SLC18B1: variants seen among roughly 807,000 people sequenced by gnomAD.
The protein encoded by SLC18B1 is MFS-type transporter SLC18B1.
In SLC18B1, 62 loss-of-function variants were observed where a neutral mutation model predicts 53.9. That is an observed-to-expected ratio of 1.15 (90% CI 0.94 to 1.42). SLC18B1 has a LOEUF of 1.42. Among genes scored for constraint, SLC18B1 ranks in the 40% most tolerant of loss-of-function variants. SLC18B1 has a pLI of 0.00. For missense variants in SLC18B1, 598 were observed against 547.3 expected, an observed-to-expected ratio of 1.09 and a Z score of -0.93; for synonymous variants, 217 against 200.9, an observed-to-expected ratio of 1.08 and a Z score of -0.68.
chr6:132,792,272 A>AAAGAAAGG (rs1781551299), intron 2 of SLC18B1, among the ~76,000 whole-genome samples: 1 of 52,658 alleles, frequency 1.9e-5, no homozygotes, highest in Non-Finnish European at 3.7e-5. Flanking sequence ...AGAAAGAAAG[A>AAAGAAAGG]AAGAAAGAAA....
intron 6 of SLC18B1, among the ~76,000 whole-genome samples, chr6:132,780,948 T>C (rs1290085747): frequency 6.6e-6 from 1 of 152,096 alleles, no homozygotes; most frequent in Non-Finnish European, 1.5e-5. Flanking sequence ...AACTGCAGGA[T>C]GTAGTTGGAC....
intron 7 of SLC18B1, among the ~76,000 whole-genome samples, chr6:132,778,964 G>C (rs1781161570): frequency 6.6e-6 from 1 of 152,084 alleles, no homozygotes; most frequent in Non-Finnish European, 1.5e-5. Flanking sequence ...AACAAATAGA[G>C]GAAAAGTGTC....
At chr6:132,777,617 G>A (rs1781131386) in intron 7 of SLC18B1, among the ~76,000 whole-genome samples, 1 of 152,196 alleles carries the variant, frequency 6.6e-6, no homozygotes, top group Non-Finnish European at 1.5e-5. Flanking sequence ...GGGAGGCTGA[G>A]GCAGGAGAAT....
chr6:132,770,281 T>C lies in SLC18B1; in HGVS notation c.1360A>G (p.Asn454Asp). 1 of 1,613,468 alleles carries C rather than the reference T, an allele frequency of 6.2e-7. No homozygotes were observed. The stretch of plus-strand genomic sequence containing the variant: ...CAGGATCCATCGGACTAGGTTTCAT[T>C]AGGCAAGAGAGTAGTTCGTTCCTCC... ...TEEERTTLLP[N>D]ET The change falls in exon 14 of 14, where the codon AAT becomes GAT. Residue 454 changes from asparagine (N) to aspartate (D), a missense_variant. By Grantham distance (23) the Asn-to-Asp change is conservative (BLOSUM62 1). Coordinates refer to ENST00000275227, the MANE Select transcript of SLC18B1 (RefSeq NM_052831.3).
At chr6:132,778,108 T>A (rs1436520797) in intron 7 of SLC18B1, among the ~76,000 whole-genome samples, 1 of 151,948 alleles carries the variant, frequency 6.6e-6, no homozygotes, top group South Asian at 2.1e-4. Context: ...GGACACAAGG[T>A]GCAGGGTGGG....
rs1781711657 is a variant in SLC18B1, at chr6:132,797,054, C to G, written c.111G>C (p.Leu37=). 6.2e-7 allele frequency: 1 copy of G among 1,614,148 alleles called. No individual in the cohort carries two copies. Among genetic ancestry groups the G allele is most frequent in the Non-Finnish European group, 8.5e-7 (1 of 1,180,014 alleles). The change falls in exon 2 of 14, where the codon CTG becomes CTC. Residue 37 remains leucine, a synonymous_variant. Transcript: ENST00000275227. ...CTAAGTTCACCGAAGCTGCCGATAT[C>G]AGTACAAAAACCTGTTCTCTCGAAA... ...GWLSREQVFV[L]ISAASVNLGS...
chr6:132,794,417 T>G (rs1781621946), intron 2 of SLC18B1, among the ~76,000 whole-genome samples: 1 of 152,046 alleles, frequency 6.6e-6, no homozygotes, highest in African/African-American at 2.4e-5. Context: ...TTATTGTTAT[T>G]ATTATTATTT....
At chr6:132,792,384 G>C (rs573486772) in intron 2 of SLC18B1, among the ~76,000 whole-genome samples, 8 of 147,200 alleles carry the variant, frequency 5.4e-5, no homozygotes, top group African/African-American at 1.8e-4. Context: ...GAAAGAAAGA[G>C]AAAGAAGGAA....
chr6:132,770,804 G>A (rs1780949257), intron 13 of SLC18B1, 86 bp downstream of exon 13: 1 of 1,289,836 alleles, frequency 7.8e-7, no homozygotes, highest in South Asian at 1.3e-5. Flanking sequence ...CCACTGACTG[G>A]AAGAATAAAT....
intron 13 of SLC18B1, 51 bp downstream of exon 13, chr6:132,770,839 T>G (rs749587123): frequency 1.3e-6 from 2 of 1,506,540 alleles, no homozygotes; most frequent in Non-Finnish European, 1.8e-6. Context: ...ATTTTCCACT[T>G]GCACTGGCTA....
At chr6:132,785,897 CAAAAAAAAA>C (rs71545048) in intron 5 of SLC18B1, among the ~76,000 whole-genome samples, 1 of 81,180 alleles carries the variant, frequency 1.2e-5, no homozygotes, top group Non-Finnish European at 2.5e-5. Context: ...CCTGTCTCTA[CAAAAAAAAA>C]AAAAAAAAAA....
chr6:132,780,384 T>C lies in SLC18B1; in HGVS notation c.659-980A>G, dbSNP rs544842275. Among the ~76,000 whole-genome samples the C allele has an allele frequency of 1.8e-4, 27 of 152,168 alleles. 1 individual carries two copies. Among genetic ancestry groups the C allele is most frequent in the African/African-American group, 6.3e-4 (26 of 41,544 alleles). ...ACTTATGGATGTGGAAGCTATTTGATGGCCATGATGGCCCTCATTCATCCC... is the reference window on the plus strand; with the variant it reads ...ACTTATGGATGTGGAAGCTATTTGACGGCCATGATGGCCCTCATTCATCCC... On this transcript the variant is annotated intron_variant, in intron 6 of 13. Coordinates refer to ENST00000275227, the MANE Select transcript of SLC18B1 (RefSeq NM_052831.3).
chr6:132,780,100 C>CTT (rs35531173), intron 6 of SLC18B1, among the ~76,000 whole-genome samples: 26 of 145,754 alleles, frequency 1.8e-4, no homozygotes, highest in Admixed American at 4.8e-4. Flanking sequence ...GCTTTTTTTT[C>CTT]TTTTTTTTTT....
chr6:132,787,527 C>T lies in SLC18B1; in HGVS notation c.408G>A (p.Val136=), dbSNP rs779549654. The part of the protein sequence containing the change: ...GPVFIAMCFL[V]RVMDAVSFAA... ...CAAAGCTAACTGCATCCATTACTCT[C>T]ACTAGAAAACACATAGCAATAAATA... Residue 136 remains valine, a synonymous_variant, in exon 5 of 14, where the codon GTG becomes GTA. Coordinates refer to ENST00000275227, the MANE Select transcript of SLC18B1 (RefSeq NM_052831.3). 5.3e-5 allele frequency: 85 copies of T among 1,610,462 alleles called. No homozygotes were observed. Among genetic ancestry groups the T allele is most frequent in the Non-Finnish European group, 6.9e-5 (81 of 1,178,654 alleles).
At chr6:132,786,346 C>T (rs1781369234) in intron 5 of SLC18B1, among the ~76,000 whole-genome samples, 1 of 151,922 alleles carries the variant, frequency 6.6e-6, no homozygotes, top group Non-Finnish European at 1.5e-5. Flanking sequence ...GAGATCGAGA[C>T]CATCCTGGCT....
intron 2 of SLC18B1, among the ~76,000 whole-genome samples, chr6:132,793,018 G>C (rs1174134877): frequency 1.3e-5 from 2 of 152,208 alleles, no homozygotes; most frequent in Non-Finnish European, 2.9e-5. Context: ...CTACTTGGGA[G>C]ACTGAGGCGG....
intron 6 of SLC18B1, among the ~76,000 whole-genome samples, chr6:132,780,925 G>A (rs905651757): frequency 2.0e-5 from 3 of 152,102 alleles, no homozygotes; most frequent in Admixed American, 2.0e-4. Context: ...CATCCTTGAT[G>A]CTCAACTACA....
At position 132,797,130 on chromosome 6, in the gene SLC18B1, CA is replaced by C; in HGVS notation, c.44-10del. ...TCCTGCAGGATCATCACCTTGAATG[CA>C]AACATGCAGCAATTAGGCATATAAT... On this transcript the variant is annotated splice_polypyrimidine_tract_variant and intron_variant, in intron 1 of 13. Coordinates refer to ENST00000275227, the MANE Select transcript of SLC18B1 (RefSeq NM_052831.3). 6.2e-7 allele frequency: 1 copy of C among 1,612,154 alleles called. No homozygotes were observed. Among genetic ancestry groups the C allele is most frequent in the Non-Finnish European group, 8.5e-7 (1 of 1,179,456 alleles).
At chr6:132,798,225 A>G (rs1048937572) in intron 1 of SLC18B1, among the ~76,000 whole-genome samples, 189 bp downstream of exon 1, 4 of 152,274 alleles carry the variant, frequency 2.6e-5, no homozygotes, top group African/African-American at 9.6e-5. Flanking sequence ...ACCGTGACAC[A>G]TATCCAATCC....
Sources: allele counts gnomAD v4.1 joint callset (sites outside exome capture counted in the v4.1 genomes callset), GRCh38; gene constraint gnomAD v4.1.1; transcripts MANE v1.5; gene names NCBI Gene and HGNC (gene_info 2026-07-23, HGNC 2026-07-21).